Variants in SAMD12 observed in about 807,000 individuals in gnomAD.
The protein encoded by SAMD12 is sterile alpha motif domain-containing protein 12.
A neutral mutation model predicts 15.0 loss-of-function variants in SAMD12; 9 were observed. The observed-to-expected ratio is 0.60, with a 90% CI of 0.36 to 1.05. SAMD12 has a LOEUF of 1.05. SAMD12 is among the 50% of genes least tolerant of loss of function. The pLI, the probability that SAMD12 is intolerant of heterozygous loss-of-function variation, is 0.01. For missense variants in SAMD12, 230 were observed against 234.2 expected (o/e 0.98, Z 0.12); for synonymous variants, 86 against 90.1 (o/e 0.96, Z 0.25).
At chr8:118,607,305 G>A (rs1299920307) in intron 1 of SAMD12, among the ~76,000 whole-genome samples, 7 of 151,618 alleles carry the variant, frequency 4.6e-5, no homozygotes, top group East Asian at 1.9e-4. Context: ...GCACAATCTC[G>A]GCTCACTGCA....
intron 2 of SAMD12, among the ~76,000 whole-genome samples, chr8:118,486,288 C>T (rs4289848): frequency 0.016 from 2,422 of 150,698 alleles, 61 homozygotes; most frequent in African/African-American, 0.054. Context: ...TAGTGGTGGG[C>T]GCCTGTAGTC....
intron 2 of SAMD12, among the ~76,000 whole-genome samples, chr8:118,472,452 T>C (rs1288082579): frequency 6.6e-6 from 1 of 152,028 alleles, no homozygotes; most frequent in Non-Finnish European, 1.5e-5. Flanking sequence ...TTTGGGAGGC[T>C]GAGGCAGGAG....
chr8:118,528,554 T>C (rs1201767313), intron 2 of SAMD12, among the ~76,000 whole-genome samples: 1 of 152,238 alleles, frequency 6.6e-6, no homozygotes, highest in African/African-American at 2.4e-5. Flanking sequence ...ATTGTGTTGA[T>C]ACATGTATAT....
chr8:118,515,079 CG>C (rs1825198385), intron 2 of SAMD12, among the ~76,000 whole-genome samples: 1 of 151,808 alleles, frequency 6.6e-6, no homozygotes, highest in Non-Finnish European at 1.5e-5. Flanking sequence ...AGTGCGGTGG[CG>C]TGATCTCGGC....
At chr8:118,210,776 C>G (rs1274307684) in intron 4 of SAMD12, among the ~76,000 whole-genome samples, 1 of 152,132 alleles carries the variant, frequency 6.6e-6, no homozygotes, top group African/African-American at 2.4e-5. Context: ...CAAATTCTAC[C>G]CTTTCTGTAA....
chr8:118,143,787 A>T, the SAMD12 span, among the ~76,000 whole-genome samples: 1 of 152,220 alleles, frequency 6.6e-6, no homozygotes, highest in African/African-American at 2.4e-5. Context: ...GCCATAGAAT[A>T]TGGAAAGCAC....
At chr8:118,401,377 T>G (rs3849855) in intron 3 of SAMD12, among the ~76,000 whole-genome samples, 37,098 of 151,942 alleles carry the variant, frequency 0.24, 4,640 homozygotes, top group East Asian at 0.27. Context: ...TTATGACAGA[T>G]CTGGGCTTTA....
chr8:118,471,657 G>A (rs1413138517), intron 2 of SAMD12, among the ~76,000 whole-genome samples: 2 of 152,152 alleles, frequency 1.3e-5, no homozygotes, highest in Non-Finnish European at 2.9e-5. Flanking sequence ...CTACAGTTAA[G>A]CAAAAATAAC....
At chr8:118,234,522 C>G (rs1308697713) in intron 4 of SAMD12, among the ~76,000 whole-genome samples, 1 of 151,698 alleles carries the variant, frequency 6.6e-6, no homozygotes, top group Admixed American at 6.6e-5. Context: ...CTTGCCTGGC[C>G]AACATGGTGA....
chr8:118,501,009 C>G (rs2515059), intron 2 of SAMD12, among the ~76,000 whole-genome samples: 98,376 of 151,956 alleles, frequency 0.65, 32,484 homozygotes, highest in African/African-American at 0.77. Flanking sequence ...CTGTGTGGAA[C>G]AGCCACCCGG....
intron 2 of SAMD12, among the ~76,000 whole-genome samples, chr8:118,547,412 C>T (rs1826163101): frequency 1.3e-5 from 2 of 152,114 alleles, no homozygotes; most frequent in South Asian, 2.1e-4. Flanking sequence ...CTAGAACATA[C>T]TTCTCTTACT....
At chr8:118,550,614 C>T (rs1273689636) in intron 2 of SAMD12, among the ~76,000 whole-genome samples, 1 of 152,148 alleles carries the variant, frequency 6.6e-6, no homozygotes, top group African/African-American at 2.4e-5. Flanking sequence ...GAAGAAACTA[C>T]ATCAACTAAC....
chr8:118,533,843 T>C (rs1405909037), intron 2 of SAMD12, among the ~76,000 whole-genome samples: 1 of 152,086 alleles, frequency 6.6e-6, no homozygotes, highest in East Asian at 1.9e-4. Context: ...TGTCTCTGCA[T>C]GTGAGATGGG....
chr8:118,266,492 T>C (rs1441376056), intron 4 of SAMD12, among the ~76,000 whole-genome samples: 2 of 152,172 alleles, frequency 1.3e-5, no homozygotes, highest in East Asian at 1.9e-4. Flanking sequence ...TCTGGGCATA[T>C]ATTCAAGGGA....
At chr8:118,258,576 G>A (rs1378365666) in intron 4 of SAMD12, among the ~76,000 whole-genome samples, 3 of 152,200 alleles carry the variant, frequency 2.0e-5, no homozygotes, top group East Asian at 1.9e-4. Context: ...ACCAGGTTCT[G>A]TGTAGCCTCA....
chr8:118,241,013 C>T (rs1812550343), intron 4 of SAMD12, among the ~76,000 whole-genome samples: 2 of 152,166 alleles, frequency 1.3e-5, no homozygotes, highest in African/African-American at 4.8e-5. Flanking sequence ...GCTTTACCTT[C>T]CCCTACAAAC....
chr8:118,620,503 C>A (rs1350984863), intron 1 of SAMD12, among the ~76,000 whole-genome samples: 1 of 148,538 alleles, frequency 6.7e-6, no homozygotes, highest in Non-Finnish European at 1.5e-5. Context: ...GAGAGGATTT[C>A]ATTTTTGTTA....
chr8:118,469,166 T>C (rs775606423), intron 2 of SAMD12, among the ~76,000 whole-genome samples: 4 of 152,040 alleles, frequency 2.6e-5, no homozygotes, highest in Non-Finnish European at 4.4e-5. Flanking sequence ...GCCATTCAGA[T>C]GCCCCTTAGC....
chr8:118,571,376 T>G (rs576521286), intron 2 of SAMD12, among the ~76,000 whole-genome samples: 1 of 152,322 alleles, frequency 6.6e-6, no homozygotes, highest in Admixed American at 6.5e-5. Flanking sequence ...GCGATAGAAA[T>G]GAAAATCCCA....
Sources: gnomAD v4.1 joint callset for allele counts (sites outside exome capture counted in the v4.1 genomes callset) on GRCh38, gnomAD v4.1.1 for gene constraint, MANE v1.5 for transcripts, NCBI Gene and HGNC (gene_info 2026-07-23, HGNC 2026-07-21) for gene names.